The following GPATCH2 variants were observed in gnomAD, a reference collection of about 807,000 sequenced individuals.
GPATCH2 encodes G-patch domain containing 2.
Under a neutral mutation model 58.0 loss-of-function variants are expected in GPATCH2, and 51 were observed. The ratio of observed to expected loss-of-function variants is 0.88; its 90% CI spans 0.70 to 1.11. The LOEUF is 1.11. Among genes scored for constraint, GPATCH2 ranks in the 50% most tolerant of loss-of-function variants. GPATCH2 has a pLI of 0.00. For synonymous variants in GPATCH2, 222 were observed against 218.5 expected (o/e 1.02, Z -0.14); for missense variants, 625 against 652.2 (o/e 0.96, Z 0.45).
chr1:217,491,513 T>G (rs1023126373), intron 8 of GPATCH2, 167 bp downstream of exon 8: 1 of 339,600 alleles, frequency 2.9e-6, no homozygotes, highest in Non-Finnish European at 5.3e-6. Flanking sequence ...ATAAAATATC[T>G]TTTTATTCAT....
At chr1:217,625,389 G>C (rs1257979823) in intron 1 of GPATCH2, among the ~76,000 whole-genome samples, 1 of 152,132 alleles carries the variant, frequency 6.6e-6, no homozygotes, top group Admixed American at 6.6e-5. Flanking sequence ...AGAACTGGGA[G>C]TTGATTGATG....
chr1:217,531,725 G>T (rs1418727927), intron 5 of GPATCH2, among the ~76,000 whole-genome samples: 1 of 152,068 alleles, frequency 6.6e-6, no homozygotes, highest in Admixed American at 6.6e-5. Context: ...GAGGAAAAAA[G>T]AATACAAGAA....
chr1:217,620,483 T>C lies in GPATCH2; in HGVS notation c.73A>G (p.Met25Val). ...AGNSWHFSRT[M>V]EELVHDLVSA... Reference sequence around the variant, plus strand: ...ACAAGGTCATGAACCAGCTCCTCCATGGTTCTACTGAAATGCCTTCATTTT... The same window carrying C: ...ACAAGGTCATGAACCAGCTCCTCCACGGTTCTACTGAAATGCCTTCATTTT... Residue 25 changes from methionine (M) to valine (V), a missense_variant, in exon 2 of 10, where the codon ATG (methionine) becomes GTG (valine). Transcript: ENST00000366935. The C allele has an allele frequency of 6.2e-7, 1 of 1,601,802 alleles. No homozygotes were observed.
In GPATCH2 at chr1:217,573,320, T is replaced by C. The variant is rs533758802; in HGVS notation, c.1098+37001A>G. ...TGTTGTAAAATGAGGAAAGTTGCAT[T>C]AGAAGCATTAAAATAATTGTGCTCA... On this transcript the variant is annotated intron_variant, in intron 5 of 9. Coordinates refer to ENST00000366935, the MANE Select transcript of GPATCH2 (RefSeq NM_018040.5). 6.6e-4 allele frequency among the ~76,000 whole-genome samples: 101 copies of C among 152,210 alleles called. 1 individual carries two copies. Among genetic ancestry groups the C allele is most frequent in the Non-Finnish European group, 1.4e-3 (92 of 68,008 alleles).
At position 217,471,711 on chromosome 1, in the gene GPATCH2, C is replaced by CT. The variant is rs574348062; in HGVS notation, c.1277+19968dup. The stretch of plus-strand genomic sequence containing the variant: ...GTTTCTCTGATTAAATCTATTGTCA[C>CT]TTTTTTTTTCATTTTAGAAGACTCC... On this transcript the variant is annotated intron_variant, in intron 8 of 9. Transcript: ENST00000366935. Among the ~76,000 whole-genome samples, 412 of 151,230 alleles carry CT rather than the reference C, an allele frequency of 2.7e-3. 5 individuals carry two copies. The highest frequency in any genetic ancestry group is 8.9e-3 in the African/African-American group (367 of 41,206).
intron 9 of GPATCH2, among the ~76,000 whole-genome samples, chr1:217,441,807 G>A (rs1306248451): frequency 6.6e-6 from 1 of 152,066 alleles, no homozygotes; most frequent in Non-Finnish European, 1.5e-5. Flanking sequence ...ATCCCATGCC[G>A]GTTAGAATGC....
chr1:217,515,054 G>A (rs1663054564), intron 5 of GPATCH2, among the ~76,000 whole-genome samples, 165 bp from the exon 6 acceptor site: 1 of 151,540 alleles, frequency 6.6e-6, no homozygotes, highest in South Asian at 2.1e-4. Flanking sequence ...TTAATTCCTG[G>A]TAAGAATACT....
chr1:217,455,527 C>G (rs1312556134), intron 8 of GPATCH2, among the ~76,000 whole-genome samples: 3 of 152,158 alleles, frequency 2.0e-5, no homozygotes, highest in Non-Finnish European at 4.4e-5. Flanking sequence ...AGTGCCTCTT[C>G]CACTCTAGTC....
intron 9 of GPATCH2, among the ~76,000 whole-genome samples, chr1:217,434,254 AAATATATG>A (rs1314852922): frequency 1.3e-5 from 2 of 152,360 alleles, no homozygotes; most frequent in African/African-American, 4.8e-5. Context: ...CAGAGATTAT[AAATATATG>A]TGTGAATGTG....
chr1:217,544,649 T>C (rs550869858), intron 5 of GPATCH2, among the ~76,000 whole-genome samples: 4 of 152,256 alleles, frequency 2.6e-5, no homozygotes, highest in African/African-American at 9.6e-5. Context: ...TATCAATGTA[T>C]GTGCAAGTGG....
intron 3 of GPATCH2, among the ~76,000 whole-genome samples, chr1:217,611,937 T>G (rs1052295819): frequency 6.6e-6 from 1 of 152,026 alleles, no homozygotes; most frequent in African/African-American, 2.4e-5. Flanking sequence ...CCCAGTGCTT[T>G]GAGAGGCCAA....
At chr1:217,455,261 C>T (rs1457715833) in intron 8 of GPATCH2, among the ~76,000 whole-genome samples, 1 of 152,140 alleles carries the variant, frequency 6.6e-6, no homozygotes, top group Non-Finnish European at 1.5e-5. Context: ...ATTGCCTTGA[C>T]CTCCTAGATG....
chr1:217,455,984 C>A (rs1659924499), intron 8 of GPATCH2, among the ~76,000 whole-genome samples: 1 of 151,922 alleles, frequency 6.6e-6, no homozygotes. Context: ...TGCTGGACGG[C>A]CAAATTCCAG....
chr1:217,471,618 A>G (rs1284527935), intron 8 of GPATCH2, among the ~76,000 whole-genome samples: 1 of 152,212 alleles, frequency 6.6e-6, no homozygotes, highest in Non-Finnish European at 1.5e-5. Flanking sequence ...TTCTGTATTA[A>G]TGTAAATAGG....
intron 8 of GPATCH2, among the ~76,000 whole-genome samples, chr1:217,476,627 GA>G (rs556742026): frequency 2.0e-5 from 3 of 152,096 alleles, no homozygotes; most frequent in Non-Finnish European, 4.4e-5. Flanking sequence ...TGTTATAGCA[GA>G]AATCAAAACG....
Position 217,629,887 on chromosome 1 carries a change from T to C in GPATCH2, c.56+1029A>G, listed in dbSNP as rs532640229. Among the ~76,000 whole-genome samples the C allele has an allele frequency of 3.3e-4, 50 of 152,316 alleles. 2 individuals are homozygous for C. Among genetic ancestry groups the C allele is most frequent in the African/African-American group, 1.0e-3 (43 of 41,574 alleles). ...ACTAGAAATATTTTGGATAAGGTATTCTTTTAACTTTTCAGTGATAGGTGA... is the reference window on the plus strand; with the variant it reads ...ACTAGAAATATTTTGGATAAGGTATCCTTTTAACTTTTCAGTGATAGGTGA... On this transcript the variant is annotated intron_variant, in intron 1 of 9. Transcript: ENST00000366935.
intron 8 of GPATCH2, among the ~76,000 whole-genome samples, chr1:217,487,038 A>C (rs1661484093): frequency 6.6e-6 from 1 of 152,220 alleles, no homozygotes; most frequent in African/African-American, 2.4e-5. Context: ...GGCCAATGAT[A>C]AAACAGTACA....
chr1:217,472,242 A>G (rs1184196202), intron 8 of GPATCH2, among the ~76,000 whole-genome samples: 4 of 152,098 alleles, frequency 2.6e-5, no homozygotes, highest in Non-Finnish European at 5.9e-5. Context: ...AGATCTTTTC[A>G]AAAATGACGT....
At chr1:217,548,966 A>G (rs896513268) in intron 5 of GPATCH2, among the ~76,000 whole-genome samples, 12 of 152,220 alleles carry the variant, frequency 7.9e-5, no homozygotes, top group East Asian at 7.7e-4. Context: ...ATGGGGAGAT[A>G]TCACAGTTTG....
Sources: gnomAD v4.1 joint callset for allele counts (sites outside exome capture counted in the v4.1 genomes callset) on GRCh38, gnomAD v4.1.1 for gene constraint, MANE v1.5 for transcripts, NCBI Gene and HGNC (gene_info 2026-07-23, HGNC 2026-07-21) for gene names.